DOCK3: variants seen among roughly 807,000 people sequenced by gnomAD.
The protein encoded by DOCK3 is dedicator of cytokinesis 3.
A neutral mutation model predicts 265.6 loss-of-function variants in DOCK3; 60 were observed. That is an observed-to-expected ratio of 0.23 (90% confidence interval 0.18 to 0.28). The LOEUF (loss-of-function observed/expected upper bound fraction) is 0.28, where lower values mean the gene tolerates loss of function less well. DOCK3 is among the 10% of genes least tolerant of loss of function. DOCK3 has a pLI of 1.00. For synonymous variants in DOCK3, 881 were observed against 938.0 expected (o/e 0.94, Z 1.11); for missense variants, 1,981 against 2,594.3 (o/e 0.76, Z 5.14).
chr3:51,159,909 G>C (rs967628683), intron 11 of DOCK3, among the ~76,000 whole-genome samples: 2 of 152,140 alleles, frequency 1.3e-5, no homozygotes, highest in Non-Finnish European at 2.9e-5. Context: ...TTGAGTTTTG[G>C]CCTATCATGT....
intron 3 of DOCK3, among the ~76,000 whole-genome samples, chr3:50,846,819 GGT>G (rs1194828145): frequency 1.3e-5 from 2 of 152,006 alleles, no homozygotes; most frequent in African/African-American, 4.8e-5. Flanking sequence ...TGTTCCTAAT[GGT>G]GTTTGAGGAT....
intron 4 of DOCK3, among the ~76,000 whole-genome samples, chr3:50,900,116 C>G (rs957468175): frequency 1.3e-5 from 2 of 152,164 alleles, no homozygotes; most frequent in African/African-American, 2.4e-5. Flanking sequence ...GTACACCAAT[C>G]AAATGTAGAT....
intron 5 of DOCK3, among the ~76,000 whole-genome samples, chr3:50,951,301 T>A (rs554428998): frequency 1.8e-4 from 28 of 152,320 alleles, no homozygotes; most frequent in African/African-American, 6.7e-4. Flanking sequence ...GATGTACAAA[T>A]TTGGGTTATC....
In DOCK3 at chr3:51,159,324, T is replaced by G. The variant is rs1438036645; in HGVS notation, c.889+20T>G. 6.2e-7 allele frequency: 1 copy of G among 1,608,734 alleles called. No individual in the cohort carries two copies. The highest frequency in any genetic ancestry group is 2.2e-5 in the East Asian group (1 of 44,810). ...GAATAGGTACTGTTCACCTTACCCA[T>G]TCACATGACTAAGAATGGCCCAACT... is the stretch of plus-strand genomic sequence containing the variant. On this transcript the variant is annotated intron_variant, in intron 11 of 52. Coordinates refer to ENST00000266037, the MANE Select transcript of DOCK3 (RefSeq NM_004947.5).
At chr3:51,306,653 C>G (rs1355659599) in intron 27 of DOCK3, among the ~76,000 whole-genome samples, 3 of 152,142 alleles carry the variant, frequency 2.0e-5, no homozygotes, top group African/African-American at 7.2e-5. Flanking sequence ...TTCAAATTTG[C>G]TGATTCTTCT....
At chr3:51,172,206 T>A (rs2086716692) in intron 12 of DOCK3, among the ~76,000 whole-genome samples, 1 of 151,538 alleles carries the variant, frequency 6.6e-6, no homozygotes. Flanking sequence ...GACATAGTCT[T>A]GCTCTCTCAC....
Position 51,374,778 on chromosome 3 carries a change from T to C in DOCK3, c.5412+191T>C, listed in dbSNP as rs1451701579. Among the ~76,000 whole-genome samples, 2 of 152,202 alleles carry C rather than the reference T, an allele frequency of 1.3e-5. No individual in the cohort carries two copies. Among genetic ancestry groups the C allele is most frequent in the African/African-American group, 4.8e-5 (2 of 41,456 alleles). The stretch of plus-strand genomic sequence containing the variant: ...GAGGACCAGCAATCCAGACAGAGTG[T>C]AGGCGTGAGTAGAATGGTGGCAGGA... On this transcript the variant is annotated intron_variant, in intron 50 of 52. Coordinates refer to ENST00000266037, the MANE Select transcript of DOCK3 (RefSeq NM_004947.5). The surrounding 1 kb of genome is among the most constrained non-coding windows in gnomAD (Gnocchi z 4.8).
intron 3 of DOCK3, 151 bp from the exon 4 acceptor site, chr3:50,889,875 T>C (rs964023963): frequency 2.0e-6 from 1 of 495,158 alleles, no homozygotes; most frequent in Non-Finnish European, 3.3e-6. Context: ...TAATATACTT[T>C]GTACAGCTCT....
At chr3:50,806,241 G>A (rs1343845217) in intron 2 of DOCK3, among the ~76,000 whole-genome samples, 2 of 152,060 alleles carry the variant, frequency 1.3e-5, no homozygotes, top group African/African-American at 4.8e-5. Context: ...GGATGCAGGT[G>A]TAAGGCTGCT....
rs187954998 is a variant in DOCK3, at chr3:51,238,633, C to T, written c.2102+1043C>T. ...CTACCCTCTACCCTCCGATAGGCCT[C>T]GGTGTGTTTTGTTCCCCTCTATGTG... On this transcript the variant is annotated intron_variant, in intron 21 of 52. Transcript: ENST00000266037. Among the ~76,000 whole-genome samples, 43 of 152,178 alleles carry T rather than the reference C, an allele frequency of 2.8e-4. 1 individual carries two copies. The Middle Eastern group carries it at 0.01, about 36-fold the overall frequency.
intron 19 of DOCK3, among the ~76,000 whole-genome samples, chr3:51,235,869 C>T (rs1348782742): frequency 6.6e-6 from 1 of 152,196 alleles, no homozygotes; most frequent in Non-Finnish European, 1.5e-5. Flanking sequence ...AAAATAGTGT[C>T]TGTAGGTAAA....
chr3:50,983,668 A>G (rs893520981), intron 5 of DOCK3, among the ~76,000 whole-genome samples: 1 of 152,144 alleles, frequency 6.6e-6, no homozygotes, highest in Non-Finnish European at 1.5e-5. Context: ...CTATTGCCCA[A>G]TAAAGATTCC....
intron 12 of DOCK3, among the ~76,000 whole-genome samples, chr3:51,192,314 T>C (rs1193337772): frequency 6.6e-6 from 1 of 151,418 alleles, no homozygotes; most frequent in African/African-American, 2.4e-5. Context: ...CCAAAAAAAA[T>C]TGAAGAGGAC....
intron 3 of DOCK3, among the ~76,000 whole-genome samples, chr3:50,861,907 C>T (rs1267310205): frequency 6.7e-6 from 1 of 148,254 alleles, no homozygotes; most frequent in East Asian, 2.0e-4. Flanking sequence ...TTAAATGTGC[C>T]ATTTCATTTA....
chr3:50,829,091 G>T (rs1289349261), intron 2 of DOCK3, among the ~76,000 whole-genome samples: 2 of 151,874 alleles, frequency 1.3e-5, no homozygotes, highest in African/African-American at 2.4e-5. Flanking sequence ...TTATTTATTT[G>T]CCATTTAGAT....
At chr3:50,858,729 T>C (rs528911195) in intron 3 of DOCK3, among the ~76,000 whole-genome samples, 3 of 152,200 alleles carry the variant, frequency 2.0e-5, no homozygotes, top group Non-Finnish European at 4.4e-5. Flanking sequence ...TCATGGATGA[T>C]ATCCTGAAAT....
At chr3:51,340,820 T>G (rs1195571129) in intron 37 of DOCK3, among the ~76,000 whole-genome samples, 1 of 152,188 alleles carries the variant, frequency 6.6e-6, no homozygotes, top group Non-Finnish European at 1.5e-5. Flanking sequence ...TTTAGGTTCC[T>G]TTGGTAATGG....
chr3:51,287,875 G>A (rs1576661827), intron 27 of DOCK3, among the ~76,000 whole-genome samples: 1 of 152,176 alleles, frequency 6.6e-6, no homozygotes, highest in African/African-American at 2.4e-5. Context: ...CAAAGACATG[G>A]AATCAACCTA....
intron 5 of DOCK3, among the ~76,000 whole-genome samples, chr3:50,979,069 C>G (rs1011796885): frequency 6.6e-6 from 1 of 152,124 alleles, no homozygotes; most frequent in Admixed American, 6.5e-5. Context: ...GAGATGAACC[C>G]GGTACCTCAG....
Sources: allele counts gnomAD v4.1 joint callset (sites outside exome capture counted in the v4.1 genomes callset), GRCh38; gene constraint gnomAD v4.1.1; non-coding constraint Gnocchi (gnomAD v3.1); transcripts MANE v1.5; gene names NCBI Gene and HGNC (gene_info 2026-07-23, HGNC 2026-07-21).